Variants in SGCZ observed in about 807,000 individuals in gnomAD.
SGCZ encodes the protein sarcoglycan zeta.
SGCZ carries 40 observed loss-of-function variants against 41.3 expected under a neutral mutation model. That is an observed-to-expected ratio of 0.97 (90% CI 0.75 to 1.26). The LOEUF (loss-of-function observed/expected upper bound fraction) is 1.26, where lower values mean the gene tolerates loss of function less well. Ranked by LOEUF, SGCZ falls within the 50% of genes most tolerant of loss-of-function variation. The probability of loss-of-function intolerance (pLI) is 0.00; values close to 1 mark genes in which losing one functional copy is unlikely to be tolerated. For missense variants in SGCZ, 552 were observed against 369.8 expected (o/e 1.49, Z -4.04); for synonymous variants, 206 against 137.5 (o/e 1.50, Z -3.49).
chr8:14,369,114 A>G (rs184700837), intron 2 of SGCZ, among the ~76,000 whole-genome samples: 29 of 151,954 alleles, frequency 1.9e-4, no homozygotes, highest in Admixed American at 5.9e-4. Flanking sequence ...GAAAATTGGG[A>G]AATTAACACC....
At chr8:15,163,814 A>G (rs999942083) in intron 1 of SGCZ, among the ~76,000 whole-genome samples, 1 of 152,222 alleles carries the variant, frequency 6.6e-6, no homozygotes, top group Admixed American at 6.5e-5. Context: ...ACTAAGTTTC[A>G]CTGTCCAAAA....
intron 1 of SGCZ, among the ~76,000 whole-genome samples, chr8:14,590,998 C>T (rs1805223397): frequency 6.6e-6 from 1 of 150,522 alleles, no homozygotes; most frequent in South Asian, 2.1e-4. Flanking sequence ...ACACTTTTCA[C>T]AAATATTATG....
chr8:14,973,646 G>A (rs530202762), intron 1 of SGCZ, among the ~76,000 whole-genome samples: 1 of 152,160 alleles, frequency 6.6e-6, no homozygotes, highest in African/African-American at 2.4e-5. Context: ...ACAATCAAAA[G>A]CTCAATGGTT....
intron 1 of SGCZ, among the ~76,000 whole-genome samples, chr8:14,885,985 TTATATATATATATATA>T (rs71209089): frequency 0.032 from 1,784 of 55,962 alleles, 55 homozygotes; most frequent in South Asian, 0.076. Context: ...GGACTTTATG[TTATATATATATATATA>T]TATATATATA....
intron 1 of SGCZ, among the ~76,000 whole-genome samples, chr8:14,851,985 C>T (rs1423175592): frequency 6.6e-6 from 1 of 152,064 alleles, no homozygotes; most frequent in African/African-American, 2.4e-5. Flanking sequence ...TCATCTTTGA[C>T]CTTTGTTTTT....
At chr8:14,660,032 GT>G (rs1405924747) in intron 1 of SGCZ, among the ~76,000 whole-genome samples, 1 of 152,190 alleles carries the variant, frequency 6.6e-6, no homozygotes, top group Non-Finnish European at 1.5e-5. Flanking sequence ...TAAGAGAGAA[GT>G]TTGAAACAGC....
At chr8:14,215,161 T>C (rs1805951976) in intron 4 of SGCZ, among the ~76,000 whole-genome samples, 1 of 152,124 alleles carries the variant, frequency 6.6e-6, no homozygotes, top group South Asian at 2.1e-4. Flanking sequence ...AGACACAAAA[T>C]ATGTTTCTTG....
intron 1 of SGCZ, among the ~76,000 whole-genome samples, chr8:14,991,686 C>G (rs557200550): frequency 1.3e-5 from 2 of 151,880 alleles, no homozygotes; most frequent in South Asian, 4.2e-4. Context: ...TACCTCTCAC[C>G]CATCCTCCTC....
At chr8:14,394,179 C>A (rs1175037473) in intron 2 of SGCZ, among the ~76,000 whole-genome samples, 1 of 117,146 alleles carries the variant, frequency 8.5e-6, no homozygotes, top group Non-Finnish European at 1.7e-5. Context: ...GAGATTTAGT[C>A]TCACTCTGTT....
intron 1 of SGCZ, among the ~76,000 whole-genome samples, chr8:14,853,798 G>T (rs897749206): frequency 6.6e-6 from 1 of 151,842 alleles, no homozygotes; most frequent in African/African-American, 2.4e-5. Context: ...ACTACTGTTG[G>T]AATTTTCCTT....
At chr8:15,080,434 G>T (rs1203187457) in intron 1 of SGCZ, among the ~76,000 whole-genome samples, 1 of 152,078 alleles carries the variant, frequency 6.6e-6, no homozygotes, top group African/African-American at 2.4e-5. Context: ...GGTTGGTAGT[G>T]TGCGTTAGGG....
At chr8:14,206,956 A>G (rs1184620882) in intron 4 of SGCZ, among the ~76,000 whole-genome samples, 1 of 152,138 alleles carries the variant, frequency 6.6e-6, no homozygotes, top group African/African-American at 2.4e-5. Context: ...AGAATGACTT[A>G]TGTCACTTAG....
chr8:15,066,454 A>G (rs1290139611), intron 1 of SGCZ, among the ~76,000 whole-genome samples: 4 of 152,052 alleles, frequency 2.6e-5, no homozygotes, highest in Non-Finnish European at 5.9e-5. Flanking sequence ...TTTTATTTTT[A>G]AATCTGTAAA....
chr8:14,409,713 A>G (rs745530430), intron 2 of SGCZ, among the ~76,000 whole-genome samples: 4 of 152,208 alleles, frequency 2.6e-5, no homozygotes, highest in Non-Finnish European at 5.9e-5. Flanking sequence ...TGTTGAGAAC[A>G]TTCATTCAAT....
chr8:15,000,535 T>C (rs1802379241), intron 1 of SGCZ, among the ~76,000 whole-genome samples: 1 of 152,112 alleles, frequency 6.6e-6, no homozygotes, highest in South Asian at 2.1e-4. Context: ...AGCTAGGAGC[T>C]TGCATGGGTG....
chr8:14,514,801 GTGTGTGTGTGTGTA>G (rs746912845), intron 2 of SGCZ, among the ~76,000 whole-genome samples: 1,525 of 92,478 alleles, frequency 0.016, 21 homozygotes, highest in South Asian at 0.026. Flanking sequence ...GTGTGTGTGT[GTGTGTGTGTGTGTA>G]TATATACACG....
At position 14,168,136 on chromosome 8, in the gene SGCZ, C is replaced by G. The variant is rs150437164; in HGVS notation, c.425-3434G>C. Among the ~76,000 whole-genome samples the G allele has an allele frequency of 2.9e-4, 44 of 152,160 alleles. No homozygotes were observed. The East Asian group carries it at 8.3e-3, about 29-fold the overall frequency. On this transcript the variant is annotated intron_variant, in intron 4 of 7. Coordinates refer to ENST00000382080, the MANE Select transcript of SGCZ (RefSeq NM_139167.4). ...AATCTTAGATGCCTGTCAGTATTTT[C>G]AAGGCCTTGAAGAATAGTATTACTA...
chr8:14,222,749 T>C (rs1418112594), intron 4 of SGCZ, among the ~76,000 whole-genome samples: 1 of 150,280 alleles, frequency 6.7e-6, no homozygotes. Flanking sequence ...TTTACCTACC[T>C]AACTTATTTA....
intron 5 of SGCZ, among the ~76,000 whole-genome samples, chr8:14,112,003 C>T (rs776991689): frequency 2.4e-4 from 36 of 152,228 alleles, no homozygotes; most frequent in Admixed American, 9.8e-4. Context: ...TTATATCCTA[C>T]GCTACTCATT....
Sources: allele counts gnomAD v4.1 joint callset (sites outside exome capture counted in the v4.1 genomes callset), GRCh38; gene constraint gnomAD v4.1.1; transcripts MANE v1.5; gene names NCBI Gene and HGNC (gene_info 2026-07-23, HGNC 2026-07-21).